The following LAMP1 variants were observed in gnomAD, a reference collection of about 807,000 sequenced individuals.
LAMP1 encodes lysosome-associated membrane glycoprotein 1.
In LAMP1, 7 loss-of-function variants were observed where a neutral mutation model predicts 37.5. That is an observed-to-expected ratio of 0.19 (90% CI 0.11 to 0.35). The LOEUF is 0.35. Ranked by LOEUF, LAMP1 falls within the 10% of genes least tolerant of loss-of-function variation. LAMP1 has a pLI of 1.00. For synonymous variants in LAMP1, 236 were observed against 229.1 expected (o/e 1.03, Z -0.27); for missense variants, 537 against 552.8 (o/e 0.97, Z 0.29).
At chr13:113,303,992 C>T (rs181367645) in intron 1 of LAMP1, among the ~76,000 whole-genome samples, 17 of 152,016 alleles carry the variant, frequency 1.1e-4, no homozygotes, top group Admixed American at 2.6e-4. Context: ...GGCTGAGGCA[C>T]GAGAATCGCT....
intron 1 of LAMP1, among the ~76,000 whole-genome samples, chr13:113,298,265 A>G (rs2042553064): frequency 6.6e-6 from 1 of 152,132 alleles, no homozygotes; most frequent in African/African-American, 2.4e-5. Context: ...CTGTCAGTTT[A>G]TAGAGCTCAG....
At chr13:113,300,686 C>G (rs1017269572) in intron 1 of LAMP1, among the ~76,000 whole-genome samples, 1 of 151,804 alleles carries the variant, frequency 6.6e-6, no homozygotes, top group Non-Finnish European at 1.5e-5. Flanking sequence ...GGCGTAGTGG[C>G]ACAGGCCTGT....
rs1033471514 is a variant in LAMP1, at chr13:113,308,103, C to A, written c.183+1497C>A. 1.8e-4 allele frequency among the ~76,000 whole-genome samples: 27 copies of A among 151,982 alleles called. No individual in the cohort carries two copies. In the South Asian group the frequency reaches 2.5e-3, roughly 14 times the overall value. On this transcript the variant is annotated intron_variant, in intron 2 of 8. Transcript: ENST00000332556. ...GATCTCGGCTCACTGTGTCTTCCAC[C>A]TCCCAGGTTTGAGTGAGTCTCGTGC...
In LAMP1 at chr13:113,321,972, G is replaced by A. The variant is rs2042703417; in HGVS notation, c.1114+245G>A. ...AAGGGAATCATTTTAAGAAACAGTGGTGGCGCTTCTCCCATGAACGTTGAA... is the reference window on the plus strand; with the variant it reads ...AAGGGAATCATTTTAAGAAACAGTGATGGCGCTTCTCCCATGAACGTTGAA... On this transcript the variant is annotated intron_variant, in intron 8 of 8. Transcript: ENST00000332556. The surrounding 1 kb of genome is among the most constrained non-coding windows in gnomAD (Gnocchi z 5.6). 1 of 591,196 alleles carries A rather than the reference G, an allele frequency of 1.7e-6. No individual in the cohort carries two copies. The highest frequency in any genetic ancestry group is 2.8e-5 in the East Asian group (1 of 35,386). 36.6% of individuals were successfully genotyped at this position (591,196 alleles called of 1,614,324 possible).
chr13:113,306,447 C>A (rs1294836118), intron 1 of LAMP1, 38 bp from the exon 2 acceptor site: 1 of 1,599,570 alleles, frequency 6.3e-7, no homozygotes, highest in Non-Finnish European at 8.5e-7. Context: ...ATTTTCTGGA[C>A]AGTTTTTGAT....
intron 1 of LAMP1, among the ~76,000 whole-genome samples, chr13:113,302,843 G>A (rs2042581163): frequency 6.6e-6 from 1 of 152,168 alleles, no homozygotes; most frequent in African/African-American, 2.4e-5. Context: ...CTAGGTCTCC[G>A]CCACTCACTA....
chr13:113,322,373 C>T lies in LAMP1; in HGVS notation c.1206C>T (p.Ala402=), dbSNP rs779771298. 1.9e-6 allele frequency: 3 copies of T among 1,602,312 alleles called. No homozygotes were observed. The highest frequency in any genetic ancestry group is 1.7e-5 in the Admixed American group (1 of 58,744). The change falls in exon 9 of 9, where the codon GCC becomes GCT. Residue 402 remains alanine, a synonymous_variant. Coordinates refer to ENST00000332556, the MANE Select transcript of LAMP1 (RefSeq NM_005561.4). The part of the protein sequence containing the change: ...LAGLVLIVLI[A]YLVGRKRSHA... ...GGCTGGTCCTCATCGTCCTCATCGC[C>T]TACCTCGTCGGCAGGAAGAGGAGTC...
chr13:113,306,834 CTTTTTTT>C lies in LAMP1; in HGVS notation c.183+245_183+251del, dbSNP rs780041684. ...CTCACTGTTCATCATGAACATTTTCCTTTTTTTTTTTTTTTTTTTTTTTGAGACGGAG... is the reference window on the plus strand; with the variant it reads ...CTCACTGTTCATCATGAACATTTTCCTTTTTTTTTTTTTTTTGAGACGGAG... On this transcript the variant is annotated intron_variant, in intron 2 of 8. Transcript: ENST00000332556. Among the ~76,000 whole-genome samples, 63 of 80,162 alleles carry C rather than the reference CTTTTTTT, an allele frequency of 7.9e-4. 3 individuals are homozygous for C. Among genetic ancestry groups the C allele is most frequent in the Admixed American group, 3.4e-3 (15 of 4,440 alleles). 52.6% of individuals were successfully genotyped at this position (80,162 alleles called of 152,430 possible).
rs1386618509 is a variant in LAMP1, at chr13:113,319,305, C to T, written c.563-164C>T. Among the ~76,000 whole-genome samples the T allele has an allele frequency of 2.6e-5, 4 of 152,222 alleles. No individual in the cohort carries two copies. In the South Asian group the frequency reaches 6.2e-4, roughly 24 times the overall value. On this transcript the variant is annotated intron_variant, in intron 4 of 8. Coordinates refer to ENST00000332556, the MANE Select transcript of LAMP1 (RefSeq NM_005561.4). ...CTGCAGGACCCAGCTCTTTCCTGCG[C>T]GTCTAGAAAGGCATTAGCGAGAGCC... is the stretch of plus-strand genomic sequence containing the variant.
At chr13:113,310,505 G>A (rs377506160) in intron 3 of LAMP1, among the ~76,000 whole-genome samples, 2 of 152,044 alleles carry the variant, frequency 1.3e-5, no homozygotes, top group East Asian at 1.9e-4. Flanking sequence ...CAGCTTGGGC[G>A]ACAGGGCGAG....
chr13:113,304,693 G>A lies in LAMP1; in HGVS notation c.62-1792G>A, dbSNP rs191058714. 6.9e-3 allele frequency among the ~76,000 whole-genome samples: 1,005 copies of A among 146,672 alleles called. 44 individuals are homozygous for A. Among genetic ancestry groups the A allele is most frequent in the Admixed American group, 0.059 (863 of 14,630 alleles). ...TTTTTTGAGACAGAGTTTTGCTCTT[G>A]TCACCCAGGCTGGAGGGCAGTGGTG... is the stretch of plus-strand genomic sequence containing the variant. On this transcript the variant is annotated intron_variant, in intron 1 of 8. Coordinates refer to ENST00000332556, the MANE Select transcript of LAMP1 (RefSeq NM_005561.4).
chr13:113,309,369 A>T lies in LAMP1; in HGVS notation c.184-274A>T, dbSNP rs539787863. Among the ~76,000 whole-genome samples the T allele has an allele frequency of 2.0e-5, 3 of 152,314 alleles. No individual in the cohort carries two copies. In the East Asian group the frequency reaches 5.8e-4, roughly 29 times the overall value. On this transcript the variant is annotated intron_variant, in intron 2 of 8. Coordinates refer to ENST00000332556, the MANE Select transcript of LAMP1 (RefSeq NM_005561.4). ...CCCCACCTCAGCCTCCCAGAGTGTT[A>T]GCATTACAGGTGTGAGCCACCATGC...
At chr13:113,304,611 C>A (rs1350787848) in intron 1 of LAMP1, among the ~76,000 whole-genome samples, 1 of 151,970 alleles carries the variant, frequency 6.6e-6, no homozygotes, top group Non-Finnish European at 1.5e-5. Context: ...TTGGAGGTTT[C>A]CTTGCACGCC....
Position 113,320,355 on chromosome 13 carries a change from G to A in LAMP1, c.761G>A (p.Arg254Lys), listed in dbSNP as rs768474200. The change falls in exon 6 of 9, where the codon AGG (arginine) becomes AAG (lysine). Residue 254 changes from arginine to lysine, a missense_variant. Transcript: ENST00000332556. The surrounding 1 kb of genome is among the most constrained non-coding windows in gnomAD (Gnocchi z 4.4). ...GCTTGTCTTATGCAGACGGTGACAA[G>A]GCTTCTCAACATCAACCCCAACAAG... is the stretch of plus-strand genomic sequence containing the variant. Reference protein sequence around the residue: ...YERKDNTTVTRLLNINPNKTS... With the variant: ...YERKDNTTVTKLLNINPNKTS... 1.9e-6 allele frequency: 3 copies of A among 1,614,066 alleles called. No homozygotes were observed. The highest frequency in any genetic ancestry group is 2.5e-6 in the Non-Finnish European group (3 of 1,180,024).
chr13:113,298,786 C>CATTGTTCTT (rs1213936745), intron 1 of LAMP1, among the ~76,000 whole-genome samples: 1 of 152,208 alleles, frequency 6.6e-6, no homozygotes, highest in East Asian at 1.9e-4. Flanking sequence ...ACAGCAACTG[C>CATTGTTCTT]ATTGTTCTTT....
Position 113,297,385 on chromosome 13 carries a change from A to G in LAMP1, c.-50A>G, listed in dbSNP as rs1371123130. ...GCAGCGCCCGGCAGTCCGCGGCCCAACCGCCGCCCGCGCCCCCGCTCCCCG... is the reference window on the plus strand; with the variant it reads ...GCAGCGCCCGGCAGTCCGCGGCCCAGCCGCCGCCCGCGCCCCCGCTCCCCG... On this transcript the variant is annotated 5_prime_UTR_variant, in exon 1 of 9. Coordinates refer to ENST00000332556, the MANE Select transcript of LAMP1 (RefSeq NM_005561.4). The surrounding 1 kb of genome is among the most constrained non-coding windows in gnomAD (Gnocchi z 4.4). The G allele has an allele frequency of 6.1e-6, 3 of 489,962 alleles. No homozygotes were observed. The highest frequency in any genetic ancestry group is 6.8e-5 in the South Asian group (1 of 14,650). The allele number at this position is 489,962 out of a possible 1,614,324, so 30.4% of individuals were successfully genotyped here. A position where few individuals can be genotyped will look rare whatever the true frequency, so the allele number is the denominator to read the frequency against.
At chr13:113,301,661 A>G (rs1595456717) in intron 1 of LAMP1, among the ~76,000 whole-genome samples, 1 of 1,784 alleles carries the variant, frequency 5.6e-4, no homozygotes, top group African/African-American at 6.6e-4. Flanking sequence ...ATATATATAT[A>G]TATATATATA....
chr13:113,303,154 C>G (rs2042582452), intron 1 of LAMP1, among the ~76,000 whole-genome samples: 1 of 152,216 alleles, frequency 6.6e-6, no homozygotes, highest in Non-Finnish European at 1.5e-5. Context: ...GGCACTCTCT[C>G]CTCCTGCTCG....
At chr13:113,322,076 G>C (rs927882410) in intron 8 of LAMP1, 1 of 604,682 alleles carries the variant, frequency 1.7e-6, no homozygotes, top group South Asian at 2.2e-5. Flanking sequence ...TTCCAGACGG[G>C]GGAGAGACGT....
Sources: allele counts gnomAD v4.1 joint callset (sites outside exome capture counted in the v4.1 genomes callset), GRCh38; gene constraint gnomAD v4.1.1; non-coding constraint Gnocchi (gnomAD v3.1); transcripts MANE v1.5; gene names NCBI Gene and HGNC (gene_info 2026-07-23, HGNC 2026-07-21).